The following MRPL35 variants were observed in gnomAD, a reference collection of about 807,000 sequenced individuals.
MRPL35 encodes the protein mitochondrial ribosomal protein L35, also known as large ribosomal subunit protein bL35m.
In MRPL35, 18 loss-of-function variants were observed where a neutral mutation model predicts 21.6. The ratio of observed to expected loss-of-function variants is 0.83; its 90% CI spans 0.58 to 1.24. The LOEUF (loss-of-function observed/expected upper bound fraction) is 1.24, where lower values mean the gene tolerates loss of function less well. MRPL35 is among the 50% of genes most tolerant of loss of function. The probability of loss-of-function intolerance (pLI) is 0.00; values close to 1 mark genes in which losing one functional copy is unlikely to be tolerated. For synonymous variants in MRPL35, 87 were observed against 86.9 expected, an observed-to-expected ratio of 1.00 and a Z score of -0.01; for missense variants, 223 against 223.2, an observed-to-expected ratio of 1.00 and a Z score of 0.01.
chr2:86,211,765 T>G lies in MRPL35; in HGVS notation c.*1097T>G. ...TCATTGAAGCCTCGCACTCCTGGGC[T>G]CAAGTGGTCCTCCTGCCTCAGCTTA... On this transcript the variant is annotated 3_prime_UTR_variant, in exon 4 of 4. Coordinates refer to ENST00000337109, the MANE Select transcript of MRPL35 (RefSeq NM_016622.4). 1 of 984,054 alleles carries G rather than the reference T, an allele frequency of 1.0e-6. No individual in the cohort carries two copies. Among genetic ancestry groups the G allele is most frequent in the Non-Finnish European group, 1.2e-6 (1 of 828,664 alleles). The allele number at this position is 984,054 out of a possible 1,614,324, so 61.0% of individuals were successfully genotyped here.
Position 86,213,484 on chromosome 2 carries a change from G to A in MRPL35, c.*2816G>A. 1 of 1,359,690 alleles carries A rather than the reference G, an allele frequency of 7.4e-7. No homozygotes were observed. The highest frequency in any genetic ancestry group is 9.6e-7 in the Non-Finnish European group (1 of 1,045,882). The allele number at this position is 1,359,690 out of a possible 1,614,324, so 84.2% of individuals were successfully genotyped here. A position where few individuals can be genotyped will look rare whatever the true frequency, so the allele number is the denominator to read the frequency against. ...AAAAATGCAAAGAAATTGGGTCTGT[G>A]TTTAATTTTGATGTTTCAAATTTTG... On this transcript the variant is annotated 3_prime_UTR_variant, in exon 4 of 4. Coordinates refer to ENST00000337109, the MANE Select transcript of MRPL35 (RefSeq NM_016622.4).
intron 1 of MRPL35, 112 bp downstream of exon 1, chr2:86,199,645 G>A: frequency 5.9e-6 from 8 of 1,350,000 alleles, no homozygotes; most frequent in Non-Finnish European, 8.2e-6. Flanking sequence ...CATTATTTAA[G>A]TTAAGAAGGT....
chr2:86,210,538 A>G lies in MRPL35; in HGVS notation c.437A>G (p.Glu146Gly), dbSNP rs779989733. 3 of 1,613,654 alleles carry G rather than the reference A, an allele frequency of 1.9e-6. No individual in the cohort carries two copies. The highest frequency in any genetic ancestry group is 2.5e-6 in the Non-Finnish European group (3 of 1,179,866). ...CCTGCAAGGAAGAAGCGATTGAGGG[A>G]ATTTGTATTCTGCAATAAAACCCAG... ...KTPARKKRLR[E>G]FVFCNKTQSK... The change falls in exon 4 of 4, where the codon GAA becomes GGA. Residue 146 changes from glutamate to glycine, a missense_variant. Coordinates refer to ENST00000337109, the MANE Select transcript of MRPL35 (RefSeq NM_016622.4).
At chr2:86,209,532 C>G (rs1673861800) in intron 3 of MRPL35, among the ~76,000 whole-genome samples, 1 of 152,070 alleles carries the variant, frequency 6.6e-6, no homozygotes, top group Admixed American at 6.6e-5. Flanking sequence ...ATGAATAATA[C>G]CTGTATGGGT....
At chr2:86,210,373 G>T in intron 3 of MRPL35, 107 bp from the exon 4 acceptor site, 1 of 661,166 alleles carries the variant, frequency 1.5e-6, no homozygotes, top group Non-Finnish European at 2.1e-6. Flanking sequence ...CAGCCCCTAT[G>T]GAAGTCTGGT....
At chr2:86,203,024 G>C (rs1431275093) in intron 1 of MRPL35, among the ~76,000 whole-genome samples, 1 of 151,822 alleles carries the variant, frequency 6.6e-6, no homozygotes, top group Non-Finnish European at 1.5e-5. Flanking sequence ...ATACAGGTTA[G>C]GTATCTTTAA....
Position 86,212,139 on chromosome 2 carries a change from T to C in MRPL35, c.*1471T>C. ...TACTGTTTCAGATCCTTTAATGTGG[T>C]AGTTGGTAATAATAAGATGAAATTC... On this transcript the variant is annotated 3_prime_UTR_variant, in exon 4 of 4. Coordinates refer to ENST00000337109, the MANE Select transcript of MRPL35 (RefSeq NM_016622.4). 1 of 1,253,668 alleles carries C rather than the reference T, an allele frequency of 8.0e-7. No individual in the cohort carries two copies. The highest frequency in any genetic ancestry group is 1.0e-6 in the Non-Finnish European group (1 of 995,966). 77.7% of individuals were successfully genotyped at this position (1,253,668 alleles called of 1,614,324 possible).
intron 1 of MRPL35, 124 bp from the exon 2 acceptor site, chr2:86,205,982 A>G (rs2103910741): frequency 1.2e-6 from 1 of 808,894 alleles, no homozygotes; most frequent in Non-Finnish European, 2.0e-6. Context: ...AGCTTCACAG[A>G]TGAGTCTGAT....
At chr2:86,203,090 T>TC in intron 1 of MRPL35, among the ~76,000 whole-genome samples, 1 of 151,068 alleles carries the variant, frequency 6.6e-6, no homozygotes, top group Non-Finnish European at 1.5e-5. Context: ...CTTTTTTTTT[T>TC]TTTTTTTGAG....
At chr2:86,202,413 C>A (rs572532414) in intron 1 of MRPL35, among the ~76,000 whole-genome samples, 1 of 152,272 alleles carries the variant, frequency 6.6e-6, no homozygotes, top group South Asian at 2.1e-4. Flanking sequence ...TCTTATGCAG[C>A]CTCAGGATCT....
intron 3 of MRPL35, among the ~76,000 whole-genome samples, chr2:86,208,098 T>C (rs1335429254): frequency 6.6e-6 from 1 of 152,168 alleles, no homozygotes; most frequent in South Asian, 2.1e-4. Flanking sequence ...ATTCTCCCGT[T>C]TTATAAACAG....
At chr2:86,200,092 C>A (rs368919749) in intron 1 of MRPL35, among the ~76,000 whole-genome samples, 53 of 152,166 alleles carry the variant, frequency 3.5e-4, no homozygotes, top group African/African-American at 1.2e-3. Flanking sequence ...GAAGTAAAGG[C>A]GACTAAATTA....
Position 86,212,045 on chromosome 2 carries a change from T to A in MRPL35, c.*1377T>A, listed in dbSNP as rs1673911321. On this transcript the variant is annotated 3_prime_UTR_variant, in exon 4 of 4. Coordinates refer to ENST00000337109, the MANE Select transcript of MRPL35 (RefSeq NM_016622.4). ...GTGGTTCCCAACTCTCCGATCAGAA[T>A]CATCTGGGAAGCATTTTCAAACAGC... The A allele has an allele frequency of 1.9e-6, 2 of 1,045,242 alleles. No homozygotes were observed. The highest frequency in any genetic ancestry group is 6.6e-5 in the South Asian group (2 of 30,452). 64.7% of individuals were successfully genotyped at this position (1,045,242 alleles called of 1,614,324 possible).
At chr2:86,207,104 C>A in intron 2 of MRPL35, 79 bp from the exon 3 acceptor site, 1 of 1,379,580 alleles carries the variant, frequency 7.2e-7, no homozygotes, top group Non-Finnish European at 9.8e-7. Flanking sequence ...CAGCTTTACT[C>A]ATTTCTCAGT....
At chr2:86,207,567 G>A (rs548972609) in intron 3 of MRPL35, among the ~76,000 whole-genome samples, 3 of 152,340 alleles carry the variant, frequency 2.0e-5, no homozygotes, top group Admixed American at 2.0e-4. Context: ...CCGGGAGGTG[G>A]AGGTTGTAGT....
chr2:86,208,329 CA>C (rs1673842405), intron 3 of MRPL35, among the ~76,000 whole-genome samples: 1 of 150,512 alleles, frequency 6.6e-6, no homozygotes, highest in African/African-American at 2.4e-5. Flanking sequence ...TTTTTTGAGA[CA>C]AAGTGTCACT....
In MRPL35 at chr2:86,211,502, C is replaced by T. The variant is rs1299425931; in HGVS notation, c.*834C>T. The T allele has an allele frequency of 4.1e-6, 4 of 985,308 alleles. No homozygotes were observed. Among genetic ancestry groups the T allele is most frequent in the African/African-American group, 1.7e-5 (1 of 57,234 alleles). 61.0% of individuals were successfully genotyped at this position (985,308 alleles called of 1,614,324 possible). On this transcript the variant is annotated 3_prime_UTR_variant, in exon 4 of 4. Coordinates refer to ENST00000337109, the MANE Select transcript of MRPL35 (RefSeq NM_016622.4). ...TGGAGGTTCACATGGGGTGGCAGCA[C>T]ACTTAACATCTAACACACCAGGTTC... is the stretch of plus-strand genomic sequence containing the variant.
rs1673896737 is a variant in MRPL35, at chr2:86,211,222, T to C, written c.*554T>C. On this transcript the variant is annotated 3_prime_UTR_variant, in exon 4 of 4. Transcript: ENST00000337109. Reference sequence around the variant, plus strand: ...TTCACCAACTTCTCTACACAGCTTTTGCATACTTACAGTTTCTGTTCCTTT... The same window carrying C: ...TTCACCAACTTCTCTACACAGCTTTCGCATACTTACAGTTTCTGTTCCTTT... 1.0e-6 allele frequency: 1 copy of C among 955,814 alleles called. No individual in the cohort carries two copies. The highest frequency in any genetic ancestry group is 1.8e-5 in the African/African-American group (1 of 56,548). 59.2% of individuals were successfully genotyped at this position (955,814 alleles called of 1,614,324 possible).
At chr2:86,201,265 T>G (rs1244624357) in intron 1 of MRPL35, among the ~76,000 whole-genome samples, 2 of 152,266 alleles carry the variant, frequency 1.3e-5, no homozygotes, top group Admixed American at 1.3e-4. Flanking sequence ...GGTATCTCAT[T>G]GAGATTTAAA....
Sources: gnomAD v4.1 joint callset for allele counts (sites outside exome capture counted in the v4.1 genomes callset) on GRCh38, gnomAD v4.1.1 for gene constraint, MANE v1.5 for transcripts, NCBI Gene and HGNC (gene_info 2026-07-23, HGNC 2026-07-21) for gene names.